Variants in TNPO1 observed in about 807,000 individuals in gnomAD.
TNPO1 encodes the protein transportin 1.
In TNPO1, 8 loss-of-function variants were observed where a neutral mutation model predicts 119.5. The ratio of observed to expected loss-of-function variants is 0.07; its 90% CI spans 0.04 to 0.12. The LOEUF (loss-of-function observed/expected upper bound fraction) is 0.12. Among genes scored for constraint, TNPO1 ranks in the 10% least tolerant of loss-of-function variants. The pLI, the probability that TNPO1 is intolerant of heterozygous loss-of-function variation, is 1.00. For missense variants in TNPO1, 576 were observed against 1,089.8 expected, an observed-to-expected ratio of 0.53 and a Z score of 6.64; for synonymous variants, 362 against 363.0, an observed-to-expected ratio of 1.00 and a Z score of 0.03.
intron 1 of TNPO1, chr5:72,825,611 C>T (rs1352925656): frequency 6.6e-6 from 1 of 152,522 alleles, no homozygotes; most frequent in Non-Finnish European, 1.5e-5. Context: ...CGCTTGAACC[C>T]AGGAGGCGGA....
At chr5:72,872,520 T>A (rs376786707) in intron 6 of TNPO1, 119 bp from the exon 7 acceptor site, 1 of 585,632 alleles carries the variant, frequency 1.7e-6, no homozygotes, top group South Asian at 3.2e-5. Flanking sequence ...CGTATTCTTT[T>A]TAGTGGGTAT....
intron 1 of TNPO1, among the ~76,000 whole-genome samples, chr5:72,835,912 C>T (rs1268416235): frequency 6.6e-6 from 1 of 152,236 alleles, no homozygotes; most frequent in African/African-American, 2.4e-5. Context: ...GCCCAAGACC[C>T]ACGAAGGCAA....
chr5:72,861,756 A>T, intron 4 of TNPO1, 52 bp from the exon 5 acceptor site: 1 of 1,295,816 alleles, frequency 7.7e-7, no homozygotes, highest in South Asian at 1.2e-5. Context: ...TCACATGGCA[A>T]TGCCTGACAT....
chr5:72,868,458 A>AAAACAC (rs1554052270), intron 6 of TNPO1, among the ~76,000 whole-genome samples: 1 of 113,414 alleles, frequency 8.8e-6, no homozygotes, highest in Non-Finnish European at 2.1e-5. Context: ...AAAAAAAAAA[A>AAAACAC]ACACAAAATA....
Position 72,910,157 on chromosome 5 carries a change from T to C in TNPO1, c.*1484T>C, listed in dbSNP as rs1462368807. On this transcript the variant is annotated 3_prime_UTR_variant, in exon 25 of 25. Transcript: ENST00000337273. ...AATGCAGGGTTCCTACACTGTATTT[T>C]GGCGCATGTTGGTGGCCCTCTGTGC... The C allele has an allele frequency of 1.3e-5, 2 of 152,640 alleles. No homozygotes were observed. The highest frequency in any genetic ancestry group is 2.9e-5 in the Non-Finnish European group (2 of 68,026). 9.5% of individuals were successfully genotyped at this position (152,640 alleles called of 1,614,324 possible). A position where few individuals can be genotyped will look rare whatever the true frequency, so the allele number is the denominator to read the frequency against.
At chr5:72,826,257 A>G (rs1417583707) in intron 1 of TNPO1, among the ~76,000 whole-genome samples, 1 of 151,998 alleles carries the variant, frequency 6.6e-6, no homozygotes, top group Non-Finnish European at 1.5e-5. Context: ...ACAACCTTCT[A>G]ACATACTATA....
intron 24 of TNPO1, among the ~76,000 whole-genome samples, chr5:72,906,463 T>C (rs1298208634): frequency 6.6e-6 from 1 of 151,976 alleles, no homozygotes; most frequent in Non-Finnish European, 1.5e-5. Context: ...GGCTAATTTT[T>C]GTATTTTTAG....
At chr5:72,887,030 A>G (rs4704045) in intron 11 of TNPO1, 40 bp from the exon 12 acceptor site, 820,733 of 1,547,768 alleles carry the variant, frequency 0.53, 221,546 homozygotes, top group Admixed American at 0.63. Context: ...ATAAGTAATA[A>G]GAGGTTAATG....
intron 1 of TNPO1, among the ~76,000 whole-genome samples, chr5:72,846,193 G>A (rs1745118120): frequency 6.6e-6 from 1 of 152,184 alleles, no homozygotes; most frequent in African/African-American, 2.4e-5. Context: ...CCACTATTAT[G>A]TAGGGACATT....
chr5:72,894,103 A>T (rs1460667816), intron 18 of TNPO1, among the ~76,000 whole-genome samples: 2 of 152,194 alleles, frequency 1.3e-5, no homozygotes, highest in Admixed American at 6.5e-5. Context: ...TTTTTCAGAT[A>T]TTGCAGAAAA....
intron 4 of TNPO1, among the ~76,000 whole-genome samples, chr5:72,859,633 G>T (rs1746273641): frequency 6.6e-6 from 1 of 152,190 alleles, no homozygotes; most frequent in African/African-American, 2.4e-5. Context: ...TTCATCAGAT[G>T]AAGTAAAGAT....
intron 6 of TNPO1, among the ~76,000 whole-genome samples, chr5:72,870,234 C>G (rs972630819): frequency 1.4e-5 from 2 of 142,810 alleles, no homozygotes; most frequent in African/African-American, 2.6e-5. Flanking sequence ...TATCCCTGCT[C>G]ACTGCAACCT....
intron 21 of TNPO1, 43 bp downstream of exon 21, chr5:72,900,124 C>T: frequency 2.0e-6 from 3 of 1,479,412 alleles, no homozygotes; most frequent in Non-Finnish European, 2.8e-6. Flanking sequence ...TTTTTCTTCA[C>T]TCTTTCTTTC....
chr5:72,913,517 T>C lies in TNPO1; in HGVS notation c.*4844T>C, dbSNP rs972612594. 3.9e-5 allele frequency: 6 copies of C among 152,498 alleles called. No individual in the cohort carries two copies. Among genetic ancestry groups the C allele is most frequent in the African/African-American group, 1.4e-4 (6 of 41,440 alleles). The allele number at this position is 152,498 out of a possible 1,614,324, so 9.4% of individuals were successfully genotyped here. On this transcript the variant is annotated 3_prime_UTR_variant, in exon 25 of 25. Coordinates refer to ENST00000337273, the MANE Select transcript of TNPO1 (RefSeq NM_002270.4). The stretch of plus-strand genomic sequence containing the variant: ...AAAATGGTGATTTTTTTTCACCTCT[T>C]GTACATTTTAAAACCAGGCCAAATC...
rs1750461639 is a variant in TNPO1, at chr5:72,910,154, T to C, written c.*1481T>C. On this transcript the variant is annotated 3_prime_UTR_variant, in exon 25 of 25. Coordinates refer to ENST00000337273, the MANE Select transcript of TNPO1 (RefSeq NM_002270.4). ...TGTAATGCAGGGTTCCTACACTGTA[T>C]TTTGGCGCATGTTGGTGGCCCTCTG... is the stretch of plus-strand genomic sequence containing the variant. 6.6e-6 allele frequency: 1 copy of C among 152,630 alleles called. No homozygotes were observed. Among genetic ancestry groups the C allele is most frequent in the Admixed American group, 6.5e-5 (1 of 15,276 alleles). 9.5% of individuals were successfully genotyped at this position (152,630 alleles called of 1,614,324 possible).
chr5:72,828,326 G>C (rs549119354), intron 1 of TNPO1, among the ~76,000 whole-genome samples: 11 of 152,278 alleles, frequency 7.2e-5, no homozygotes, highest in African/African-American at 2.4e-4. Flanking sequence ...GTGAATGGTG[G>C]GTAGTGGAGA....
In TNPO1 at chr5:72,855,825, C is replaced by T. The variant is rs752565779; in HGVS notation, c.257C>T (p.Ala86Val). Residue 86 changes from alanine (A) to valine (V), a missense_variant, in exon 4 of 25, where the codon GCA (alanine) becomes GTA (valine). By Grantham distance (64) the Ala-to-Val change is moderately conservative. Around this residue, in one of 6 missense-constraint regions of TNPO1, gnomAD observed 310 missense variants for 583.0 expected, o/e 0.53. Coordinates refer to ENST00000337273, the MANE Select transcript of TNPO1 (RefSeq NM_002270.4). ...SGLILKNNVK[A>V]HFQNFPNGVT... Reference sequence around the variant, plus strand: ...CTTATCTTGAAGAATAATGTGAAAGCACACTTTCAGAACTTCCCAAATGGT... The same window carrying T: ...CTTATCTTGAAGAATAATGTGAAAGTACACTTTCAGAACTTCCCAAATGGT... 6.2e-7 allele frequency: 1 copy of T among 1,611,486 alleles called. No individual in the cohort carries two copies.
intron 1 of TNPO1, among the ~76,000 whole-genome samples, chr5:72,818,118 C>T (rs957156753): frequency 6.6e-6 from 1 of 152,194 alleles, no homozygotes; most frequent in Admixed American, 6.5e-5. Context: ...TGCAATTTAA[C>T]GTGAGCCTAA....
Position 72,910,324 on chromosome 5 carries a change from C to G in TNPO1, c.*1651C>G, listed in dbSNP as rs1169814117. 6.6e-6 allele frequency: 1 copy of G among 152,558 alleles called. No homozygotes were observed. Among genetic ancestry groups the G allele is most frequent in the Non-Finnish European group, 1.5e-5 (1 of 68,000 alleles). The allele number at this position is 152,558 out of a possible 1,614,324, so 9.5% of individuals were successfully genotyped here. On this transcript the variant is annotated 3_prime_UTR_variant, in exon 25 of 25. Coordinates refer to ENST00000337273, the MANE Select transcript of TNPO1 (RefSeq NM_002270.4). ...TGTGAATAAATCCTTGTTAAGTTAA[C>G]CCTTTACTTTTCCTTCCATGTGTAT... is the stretch of plus-strand genomic sequence containing the variant.
Sources: gnomAD v4.1 joint callset for allele counts (sites outside exome capture counted in the v4.1 genomes callset) on GRCh38, gnomAD v4.1.1 for gene constraint, gnomAD v4.1.1 regional missense constraint, MANE v1.5 for transcripts, NCBI Gene and HGNC (gene_info 2026-07-23, HGNC 2026-07-21) for gene names.